WDR27: variants seen among roughly 807,000 people sequenced by gnomAD.
WDR27 encodes the protein WD repeat-containing protein 27.
A neutral mutation model predicts 114.4 loss-of-function variants in WDR27; 100 were observed. The ratio of observed to expected loss-of-function variants is 0.87; its 90% CI spans 0.74 to 1.03. The LOEUF (loss-of-function observed/expected upper bound fraction) is 1.03. Ranked by LOEUF, WDR27 falls within the 50% of genes least tolerant of loss-of-function variation. The probability of loss-of-function intolerance (pLI) is 0.00; values close to 1 mark genes in which losing one functional copy is unlikely to be tolerated. For missense variants in WDR27, 1,129 were observed against 1,092.9 expected, an observed-to-expected ratio of 1.03 and a Z score of -0.47; for synonymous variants, 449 against 423.1, an observed-to-expected ratio of 1.06 and a Z score of -0.75.
At chr6:169,680,186 C>A (rs570157780) in intron 2 of WDR27, among the ~76,000 whole-genome samples, 50 of 152,190 alleles carry the variant, frequency 3.3e-4, no homozygotes, top group African/African-American at 1.2e-3. Flanking sequence ...TGCTACCAGA[C>A]GGAAACATGC....
In WDR27 at chr6:169,632,940, TACTC is replaced by T. The variant is rs758464476; in HGVS notation, c.2223+3_2223+6del. Reference sequence around the variant, plus strand: ...AGATGATACATGTTATCCAAAAACTTACTCACTTTATTTTGGCAGATTTGATGGA... The same window carrying T: ...AGATGATACATGTTATCCAAAAACTTACTTTATTTTGGCAGATTTGATGGA... On this transcript the variant is annotated splice_donor_5th_base_variant and intron_variant, in intron 21 of 25. Transcript: ENST00000448612. 6 of 1,576,472 alleles carry T rather than the reference TACTC, an allele frequency of 3.8e-6. No individual in the cohort carries two copies. The Admixed American group carries it at 6.7e-5, about 18-fold the overall frequency.
At chr6:169,530,142 GAACA>G (rs909285541) in intron 25 of WDR27, among the ~76,000 whole-genome samples, 8 of 152,192 alleles carry the variant, frequency 5.3e-5, no homozygotes, top group African/African-American at 1.9e-4. Context: ...AGACCATCAG[GAACA>G]AATATCTTCC....
At chr6:169,510,164 C>G (rs1185206069) in intron 25 of WDR27, among the ~76,000 whole-genome samples, 1 of 152,158 alleles carries the variant, frequency 6.6e-6, no homozygotes, top group Non-Finnish European at 1.5e-5. Flanking sequence ...GAAATAGGAA[C>G]ACTTTTACAC....
At chr6:169,625,480 G>A (rs933494290) in intron 21 of WDR27, among the ~76,000 whole-genome samples, 12 of 152,186 alleles carry the variant, frequency 7.9e-5, no homozygotes, top group Non-Finnish European at 1.2e-4. Context: ...CCCGTGACCC[G>A]GGCCACAGAG....
chr6:169,605,607 C>A lies in WDR27; in HGVS notation c.2322-3286G>T, dbSNP rs115711081. On this transcript the variant is annotated intron_variant, in intron 22 of 25. Coordinates refer to ENST00000448612, the MANE Select transcript of WDR27 (RefSeq NM_182552.5). ...TCATTTTTTACATTAAAAAAAAAAA[C>A]ACCCTAAACTTCATAAGGAACCAAA... Among the ~76,000 whole-genome samples the A allele has an allele frequency of 9.4e-3, 1,120 of 119,620 alleles. 11 individuals carry two copies. Among genetic ancestry groups the A allele is most frequent in the African/African-American group, 0.032 (1,062 of 32,930 alleles). The allele number at this position is 119,620 out of a possible 152,430, so 78.5% of individuals were successfully genotyped here.
the WDR27 span, among the ~76,000 whole-genome samples, chr6:169,435,255 G>GC: frequency 6.6e-6 from 1 of 152,226 alleles, no homozygotes; most frequent in Non-Finnish European, 1.5e-5. Context: ...AGGGGTGGGA[G>GC]CCCCACGGAG....
At position 169,548,236 on chromosome 6, in the gene WDR27, G is replaced by A. The variant is rs1328200683; in HGVS notation, c.2645+24183C>T. ...TGTCCATGGATAGGAAGACAATACT[G>A]TCCAGGTGTCGGTTCTTCCCAATTC... On this transcript the variant is annotated intron_variant, in intron 25 of 25. Coordinates refer to ENST00000448612, the MANE Select transcript of WDR27 (RefSeq NM_182552.5). 3.0e-5 allele frequency among the ~76,000 whole-genome samples: 4 copies of A among 133,864 alleles called. 1 individual carries two copies. The Middle Eastern group carries it at 0.018, about 592-fold the overall frequency. The allele number at this position is 133,864 out of a possible 152,430, so 87.8% of individuals were successfully genotyped here.
intron 21 of WDR27, among the ~76,000 whole-genome samples, chr6:169,631,272 G>A (rs1584737459): frequency 6.6e-6 from 1 of 152,044 alleles, no homozygotes; most frequent in Non-Finnish European, 1.5e-5. Context: ...TGGTTTATAC[G>A]CAGGAAGAGT....
At chr6:169,573,232 T>A (rs1801739073) in intron 24 of WDR27, among the ~76,000 whole-genome samples, 1 of 152,196 alleles carries the variant, frequency 6.6e-6, no homozygotes, top group Non-Finnish European at 1.5e-5. Context: ...ATGGTTTAGA[T>A]GTAACTCAGT....
intron 16 of WDR27, among the ~76,000 whole-genome samples, chr6:169,644,120 CACACTGTTG>C (rs1256267810): frequency 4.7e-5 from 7 of 149,870 alleles, no homozygotes; most frequent in Admixed American, 4.6e-4. Context: ...TCACAGGAGT[CACACTGTTG>C]AAAAGCCTAG....
At chr6:169,588,919 T>C (rs1805168260) in intron 23 of WDR27, among the ~76,000 whole-genome samples, 1 of 152,246 alleles carries the variant, frequency 6.6e-6, no homozygotes, top group Non-Finnish European at 1.5e-5. Context: ...GAGAGCACTT[T>C]GCCAGGACAG....
intron 1 of WDR27, among the ~76,000 whole-genome samples, chr6:169,696,449 C>T (rs370840031): frequency 1.3e-4 from 20 of 152,192 alleles, no homozygotes; most frequent in African/African-American, 4.6e-4. Flanking sequence ...CCCACACATG[C>T]ACCCAAACGT....
intron 25 of WDR27, among the ~76,000 whole-genome samples, chr6:169,503,846 C>T (rs1346869145): frequency 6.6e-6 from 1 of 151,850 alleles, no homozygotes; most frequent in Non-Finnish European, 1.5e-5. Context: ...CCAAAAAACA[C>T]AGGAGTAAAA....
At chr6:169,667,002 G>T in intron 6 of WDR27, 134 bp downstream of exon 6, 1 of 1,282,318 alleles carries the variant, frequency 7.8e-7, no homozygotes, top group South Asian at 3.1e-5. Flanking sequence ...CGGGAGTGAA[G>T]GGCTGTAAGT....
intron 21 of WDR27, among the ~76,000 whole-genome samples, chr6:169,621,554 A>G (rs1562720936): frequency 6.6e-6 from 1 of 151,872 alleles, no homozygotes; most frequent in African/African-American, 2.4e-5. Flanking sequence ...ATACATACAC[A>G]CACGCATTCA....
Position 169,670,592 on chromosome 6 carries a change from T to C in WDR27, c.433A>G (p.Lys145Glu). The C allele has an allele frequency of 1.2e-6, 2 of 1,614,014 alleles. No homozygotes were observed. The highest frequency in any genetic ancestry group is 1.7e-6 in the Non-Finnish European group (2 of 1,179,908). ...DHVVAVCAGN[K>E]IFMLDIEQRF... ...ACCTCAATATCCAGCATGAATATTT[T>C]GTTTCCAGCACACACGGCAACAACA... Residue 145 changes from lysine (K) to glutamate (E), a missense_variant, in exon 4 of 26, where the codon AAA becomes GAA. Transcript: ENST00000448612.
At chr6:169,482,067 C>T (rs182008954) in intron 25 of WDR27, among the ~76,000 whole-genome samples, 2 of 152,350 alleles carry the variant, frequency 1.3e-5, no homozygotes, top group Non-Finnish European at 2.9e-5. Flanking sequence ...TCTGTTCCTG[C>T]ATCAGTTTGC....
chr6:169,494,512 G>C (rs1298350851), intron 25 of WDR27, among the ~76,000 whole-genome samples: 1 of 151,996 alleles, frequency 6.6e-6, no homozygotes, highest in Non-Finnish European at 1.5e-5. Flanking sequence ...TGTTAAAATG[G>C]CTGTGACATT....
chr6:169,596,203 G>C (rs941800681), intron 23 of WDR27, among the ~76,000 whole-genome samples: 1 of 151,854 alleles, frequency 6.6e-6, no homozygotes, highest in African/African-American at 2.4e-5. Flanking sequence ...TATTTGTTCT[G>C]TTTAATTGAC....
Sources: allele counts gnomAD v4.1 joint callset (sites outside exome capture counted in the v4.1 genomes callset), GRCh38; gene constraint gnomAD v4.1.1; transcripts MANE v1.5; gene names NCBI Gene and HGNC (gene_info 2026-07-23, HGNC 2026-07-21).